Variants in ADAD1 observed in about 807,000 individuals in gnomAD.
ADAD1 encodes the protein adenosine deaminase domain containing 1.
Under a neutral mutation model 66.8 loss-of-function variants are expected in ADAD1, and 46 were observed. The ratio of observed to expected loss-of-function variants is 0.69; its 90% confidence interval spans 0.54 to 0.88. The LOEUF (loss-of-function observed/expected upper bound fraction) is 0.88, where lower values mean the gene tolerates loss of function less well. Among genes scored for constraint, ADAD1 ranks in the 40% least tolerant of loss-of-function variants. The pLI is 0.00. For synonymous variants in ADAD1, 248 were observed against 229.4 expected (o/e 1.08, Z -0.73); for missense variants, 617 against 681.8 (o/e 0.91, Z 1.06).
chr4:122,427,817 C>T (rs1797322258), intron 12 of ADAD1, among the ~76,000 whole-genome samples: 1 of 151,972 alleles, frequency 6.6e-6, no homozygotes, highest in African/African-American at 2.4e-5. Context: ...TAAGCCACCA[C>T]ACCCAGCGCA....
intron 5 of ADAD1, among the ~76,000 whole-genome samples, chr4:122,388,318 C>G (rs2150538125): frequency 6.6e-6 from 1 of 152,240 alleles, no homozygotes; most frequent in East Asian, 1.9e-4. Context: ...GTATATTGGC[C>G]TGAAGTTTTC....
At chr4:122,400,173 A>G (rs569653675) in intron 7 of ADAD1, among the ~76,000 whole-genome samples, 2 of 152,252 alleles carry the variant, frequency 1.3e-5, no homozygotes, top group Non-Finnish European at 2.9e-5. Context: ...ACCTTAAGGT[A>G]TGTCCCTCCT....
In ADAD1 at chr4:122,396,115, A is replaced by G. The variant is rs964434558; in HGVS notation, c.599-137A>G. 29 of 661,358 alleles carry G rather than the reference A, an allele frequency of 4.4e-5. 1 individual carries two copies. The African/African-American group carries it at 5.3e-4, about 12-fold the overall frequency. 41.0% of individuals were successfully genotyped at this position (661,358 alleles called of 1,614,324 possible). Reference sequence around the variant, plus strand: ...AATTGAAAACTTTGAAATCTCAGTCATGACCTAAATTATAAATTTGCTTAC... The same window carrying G: ...AATTGAAAACTTTGAAATCTCAGTCGTGACCTAAATTATAAATTTGCTTAC... On this transcript the variant is annotated intron_variant, in intron 6 of 12. Coordinates refer to ENST00000296513, the MANE Select transcript of ADAD1 (RefSeq NM_139243.4).
chr4:122,409,947 T>A (rs1490699838), intron 8 of ADAD1, among the ~76,000 whole-genome samples: 1 of 152,160 alleles, frequency 6.6e-6, no homozygotes, highest in African/African-American at 2.4e-5. Context: ...CCCAAAATGC[T>A]GGGATTACAG....
intron 5 of ADAD1, among the ~76,000 whole-genome samples, chr4:122,385,705 C>A (rs1482689036): frequency 1.3e-5 from 2 of 152,156 alleles, no homozygotes; most frequent in Non-Finnish European, 2.9e-5. Context: ...ACTCCCACCC[C>A]CTAAAAGGCC....
intron 9 of ADAD1, 71 bp downstream of exon 9, chr4:122,411,463 A>G (rs1796463918): frequency 3.6e-6 from 5 of 1,403,354 alleles, no homozygotes; most frequent in Non-Finnish European, 3.9e-6. Context: ...TTTCTACAGC[A>G]AATAGAACAT....
At chr4:122,385,156 A>G (rs1795106523) in intron 5 of ADAD1, among the ~76,000 whole-genome samples, 1 of 152,158 alleles carries the variant, frequency 6.6e-6, no homozygotes, top group African/African-American at 2.4e-5. Flanking sequence ...CTTATTCACA[A>G]CATAAAACTT....
chr4:122,383,838 T>A lies in ADAD1; in HGVS notation c.401T>A (p.Val134Glu). Reference sequence around the variant, plus strand: ...CCATATTTTGCCTTTTGTGCTGTGGTGGATGGTATTCAGTACAAGACTGGA... The same window carrying A: ...CCATATTTTGCCTTTTGTGCTGTGGAGGATGGTATTCAGTACAAGACTGGA... ...MGPYFAFCAV[V>E]DGIQYKTGLG... Residue 134 changes from valine to glutamate, a missense_variant, in exon 5 of 13, where the codon GTG becomes GAG. Val to Glu is a moderately radical substitution (Grantham distance 121). Coordinates refer to ENST00000296513, the MANE Select transcript of ADAD1 (RefSeq NM_139243.4). The A allele has an allele frequency of 6.2e-7, 1 of 1,613,018 alleles. No individual in the cohort carries two copies. The highest frequency in any genetic ancestry group is 1.3e-5 in the African/African-American group (1 of 75,002).
At chr4:122,415,046 G>T (rs576641794) in intron 10 of ADAD1, among the ~76,000 whole-genome samples, 1 of 152,184 alleles carries the variant, frequency 6.6e-6, no homozygotes, top group East Asian at 1.9e-4. Flanking sequence ...CATACAATGC[G>T]GTCAACAAAT....
chr4:122,414,274 T>TGGGG (rs1338908521), intron 10 of ADAD1, among the ~76,000 whole-genome samples: 2 of 106,192 alleles, frequency 1.9e-5, no homozygotes, highest in Non-Finnish European at 4.0e-5. Flanking sequence ...GTCTTTTTTT[T>TGGGG]TGGGGGGGGG....
chr4:122,396,818 C>T (rs575176606), intron 7 of ADAD1, among the ~76,000 whole-genome samples: 20 of 152,238 alleles, frequency 1.3e-4, no homozygotes, highest in Non-Finnish European at 2.5e-4. Flanking sequence ...ACATTCATCT[C>T]TGAATTAGAT....
intron 11 of ADAD1, 138 bp downstream of exon 11, chr4:122,415,754 A>G (rs570261241): frequency 4.9e-5 from 39 of 801,774 alleles, no homozygotes; most frequent in Non-Finnish European, 5.9e-5. Context: ...AAGTGTGACT[A>G]TGTTACAGGC....
chr4:122,383,610 CAG>C (rs1795009680), intron 4 of ADAD1, among the ~76,000 whole-genome samples, 187 bp from the exon 5 acceptor site: 1 of 152,166 alleles, frequency 6.6e-6, no homozygotes, highest in Non-Finnish European at 1.5e-5. Flanking sequence ...CTTGAATCCT[CAG>C]AGTTAGTTCA....
At chr4:122,421,734 TA>T (rs1224583243) in intron 12 of ADAD1, among the ~76,000 whole-genome samples, 2 of 152,070 alleles carry the variant, frequency 1.3e-5, no homozygotes, top group African/African-American at 4.8e-5. Flanking sequence ...TTAAGTATTC[TA>T]AAAGAATATA....
chr4:122,381,271 G>C, intron 4 of ADAD1, 91 bp downstream of exon 4: 1 of 1,251,274 alleles, frequency 8.0e-7, no homozygotes, highest in Non-Finnish European at 1.1e-6. Context: ...TAATATTGGA[G>C]TTAGGTAACT....
intron 7 of ADAD1, among the ~76,000 whole-genome samples, chr4:122,401,912 A>G (rs1195047445): frequency 1.3e-5 from 2 of 152,136 alleles, no homozygotes; most frequent in Non-Finnish European, 2.9e-5. Flanking sequence ...TGAAGACAGC[A>G]GAAATTTGGT....
At chr4:122,388,294 T>C (rs145642648) in intron 5 of ADAD1, among the ~76,000 whole-genome samples, 2 of 152,252 alleles carry the variant, frequency 1.3e-5, no homozygotes, top group African/African-American at 4.8e-5. Flanking sequence ...GATTTTCCCA[T>C]TGATGTTCAT....
intron 7 of ADAD1, among the ~76,000 whole-genome samples, chr4:122,402,105 G>A (rs1796010414): frequency 6.6e-6 from 1 of 151,534 alleles, no homozygotes; most frequent in South Asian, 2.1e-4. Flanking sequence ...TGAAATTTAT[G>A]CTTTTATGAG....
chr4:122,411,913 G>A (rs1302598587), intron 9 of ADAD1, among the ~76,000 whole-genome samples: 3 of 152,120 alleles, frequency 2.0e-5, no homozygotes, highest in African/African-American at 7.2e-5. Context: ...ACTTGAGGAA[G>A]TATGGATTTA....
Sources: gnomAD v4.1 joint callset for allele counts (sites outside exome capture counted in the v4.1 genomes callset) on GRCh38, gnomAD v4.1.1 for gene constraint, MANE v1.5 for transcripts, NCBI Gene and HGNC (gene_info 2026-07-23, HGNC 2026-07-21) for gene names.